RXFP1: variants seen among roughly 807,000 people sequenced by gnomAD.
RXFP1 encodes the protein relaxin family peptide receptor 1.
A neutral mutation model predicts 89.8 loss-of-function variants in RXFP1; 73 were observed. The observed-to-expected ratio is 0.81, with a 90% CI of 0.67 to 0.99. The LOEUF is 0.99. Ranked by LOEUF, RXFP1 falls within the 50% of genes least tolerant of loss-of-function variation. The pLI, the probability that RXFP1 is intolerant of heterozygous loss-of-function variation, is 0.00. For missense variants in RXFP1, 793 were observed against 895.5 expected (o/e 0.89, Z 1.46); for synonymous variants, 277 against 305.5 (o/e 0.91, Z 0.97).
At chr4:158,604,701 G>C (rs189785373) in intron 4 of RXFP1, among the ~76,000 whole-genome samples, 1 of 152,258 alleles carries the variant, frequency 6.6e-6, no homozygotes, top group Admixed American at 6.5e-5. Context: ...TTAATTTCTT[G>C]AGTGTTTTTA....
chr4:158,646,877 C>G lies in RXFP1; in HGVS notation c.1432C>G (p.Leu478Val), dbSNP rs747772224. 1.4e-5 allele frequency: 22 copies of G among 1,614,134 alleles called. 1 individual carries two copies. Among genetic ancestry groups the G allele is most frequent in the Non-Finnish European group, 8.5e-6 (10 of 1,179,986 alleles). Reference protein sequence around the residue: ...FRGEYNKHAQLWMESTHCQLV... With the variant: ...FRGEYNKHAQVWMESTHCQLV... ...TGGAGAATACAATAAGCATGCGCAG[C>G]TGTGGATGGAGAGTACTCATTGTCA... Residue 478 changes from leucine (L) to valine (V), a missense_variant, in exon 16 of 18, where the codon CTG becomes GTG. Physicochemically the swap from Leu to Val is conservative, Grantham distance 32. Transcript: ENST00000307765.
At chr4:158,573,299 T>C (rs938668120) in intron 2 of RXFP1, among the ~76,000 whole-genome samples, 7 of 152,188 alleles carry the variant, frequency 4.6e-5, no homozygotes, top group African/African-American at 7.2e-5. Context: ...TGAGCCACCG[T>C]GCCCACCCTT....
chr4:158,588,189 C>T (rs901135436), intron 2 of RXFP1, among the ~76,000 whole-genome samples: 9 of 152,062 alleles, frequency 5.9e-5, no homozygotes, highest in African/African-American at 1.9e-4. Context: ...CAAAATTAAA[C>T]TACACTAAAT....
chr4:158,537,057 C>A (rs1318827579), intron 1 of RXFP1, among the ~76,000 whole-genome samples: 2 of 147,824 alleles, frequency 1.4e-5, no homozygotes, highest in African/African-American at 2.5e-5. Context: ...AACGCAATTA[C>A]TTTTGCACCA....
intron 2 of RXFP1, 116 bp downstream of exon 2, chr4:158,572,951 T>G: frequency 2.2e-6 from 3 of 1,374,978 alleles, no homozygotes; most frequent in Non-Finnish European, 2.9e-6. Context: ...AAAACATATG[T>G]TGCTTAAGGA....
chr4:158,652,058 G>T lies in RXFP1; in HGVS notation c.*3G>T. On this transcript the variant is annotated 3_prime_UTR_variant, in exon 18 of 18. Coordinates refer to ENST00000307765, the MANE Select transcript of RXFP1 (RefSeq NM_021634.4). The stretch of plus-strand genomic sequence containing the variant: ...CGAGACTCAATTCCTATTCATGACT[G>T]ACTCTGAAATTCATTTCTTCGCAGA... 1.2e-6 allele frequency: 2 copies of T among 1,600,088 alleles called. No homozygotes were observed. Among genetic ancestry groups the T allele is most frequent in the South Asian group, 2.2e-5 (2 of 89,472 alleles).
chr4:158,637,670 C>T (rs987241792), intron 12 of RXFP1, among the ~76,000 whole-genome samples: 3 of 152,084 alleles, frequency 2.0e-5, no homozygotes, highest in African/African-American at 7.2e-5. Context: ...AATATTGTCC[C>T]CCATTACACA....
At chr4:158,642,301 A>G (rs944387081) in intron 14 of RXFP1, among the ~76,000 whole-genome samples, 11 of 152,194 alleles carry the variant, frequency 7.2e-5, no homozygotes, top group African/African-American at 2.4e-4. Flanking sequence ...CTTTATGTTT[A>G]GAATATTCAA....
chr4:158,581,095 A>G (rs1297351956), intron 2 of RXFP1, among the ~76,000 whole-genome samples: 1 of 152,196 alleles, frequency 6.6e-6, no homozygotes, highest in African/African-American at 2.4e-5. Context: ...CAGCCTGTGC[A>G]TGACTATTTG....
intron 1 of RXFP1, among the ~76,000 whole-genome samples, chr4:158,537,393 T>G (rs1291665708): frequency 6.6e-6 from 1 of 151,994 alleles, no homozygotes; most frequent in East Asian, 1.9e-4. Context: ...GTCCCTAGAG[T>G]GTCTATGAGG....
chr4:158,593,064 G>A (rs900825962), intron 2 of RXFP1, among the ~76,000 whole-genome samples: 3 of 150,162 alleles, frequency 2.0e-5, no homozygotes, highest in Non-Finnish European at 3.0e-5. Context: ...CTCCACCTGG[G>A]CGACCAGGCG....
intron 1 of RXFP1, among the ~76,000 whole-genome samples, chr4:158,525,676 C>G (rs1742334909): frequency 6.6e-6 from 1 of 152,052 alleles, no homozygotes. Context: ...TTTCTATTTC[C>G]CATTTATTGA....
intron 8 of RXFP1, among the ~76,000 whole-genome samples, chr4:158,614,161 T>A (rs77864564): frequency 1.9e-3 from 289 of 152,288 alleles, no homozygotes; most frequent in African/African-American, 6.5e-3. Context: ...TGTTGTTCCA[T>A]TGATGGAGCA....
chr4:158,550,170 C>A (rs1377398373), intron 1 of RXFP1, among the ~76,000 whole-genome samples: 1 of 152,244 alleles, frequency 6.6e-6, no homozygotes, highest in Non-Finnish European at 1.5e-5. Context: ...CCTCCCCCAG[C>A]CTCTCTGCTG....
chr4:158,614,980 G>A (rs998709749), intron 8 of RXFP1, among the ~76,000 whole-genome samples: 3 of 151,964 alleles, frequency 2.0e-5, no homozygotes, highest in Admixed American at 6.6e-5. Context: ...AGTTAACCAT[G>A]CTGTAAACAG....
At chr4:158,630,612 C>T (rs9990783) in intron 11 of RXFP1, among the ~76,000 whole-genome samples, 13,498 of 152,108 alleles carry the variant, frequency 0.089, 1,902 homozygotes, top group African/African-American at 0.3. Flanking sequence ...CAATGCTAAT[C>T]CAGGTTCAGA....
chr4:158,646,841 C>T lies in RXFP1; in HGVS notation c.1396C>T (p.Leu466=), dbSNP rs756229566. 3.1e-6 allele frequency: 5 copies of T among 1,613,936 alleles called. No homozygotes were observed. Among genetic ancestry groups the T allele is most frequent in the Non-Finnish European group, 3.4e-6 (4 of 1,179,920 alleles). The part of the protein sequence containing the change: ...IYLFVIGGFD[L]KFRGEYNKHA... ...TTTATTCGTGATCGGAGGCTTTGAC[C>T]TAAAGTTTCGTGGAGAATACAATAA... The change falls in exon 16 of 18, where the codon CTA becomes TTA. Residue 466 remains leucine, a synonymous_variant. Transcript: ENST00000307765.
intron 7 of RXFP1, 30 bp downstream of exon 7, chr4:158,612,231 C>T: frequency 6.2e-7 from 1 of 1,603,228 alleles, no homozygotes; most frequent in Non-Finnish European, 8.5e-7. Flanking sequence ...CATTTTATTG[C>T]ACTAGTTTTT....
At chr4:158,607,573 G>A (rs1396122917) in intron 5 of RXFP1, among the ~76,000 whole-genome samples, 2 of 152,122 alleles carry the variant, frequency 1.3e-5, no homozygotes, top group Admixed American at 1.3e-4. Context: ...CTAGACTTCT[G>A]ATTTATGAGG....
Sources: gnomAD v4.1 joint callset for allele counts (sites outside exome capture counted in the v4.1 genomes callset) on GRCh38, gnomAD v4.1.1 for gene constraint, MANE v1.5 for transcripts, NCBI Gene and HGNC (gene_info 2026-07-23, HGNC 2026-07-21) for gene names.